Variants in FREM1 observed in about 807,000 individuals in gnomAD.
The protein encoded by FREM1 is FRAS1-related extracellular matrix protein 1.
In FREM1, 220 loss-of-function variants were observed where a neutral mutation model predicts 210.1. That is an observed-to-expected ratio of 1.05 (90% CI 0.94 to 1.17). FREM1 has a LOEUF of 1.17. FREM1 is among the 50% of genes most tolerant of loss of function. The pLI is 0.00. For missense variants in FREM1, 3,454 were observed against 2,675.5 expected (o/e 1.29, Z -6.42); for synonymous variants, 1,189 against 980.2 (o/e 1.21, Z -3.98).
At chr9:14,863,316 G>A (rs1588457601) in intron 3 of FREM1, among the ~76,000 whole-genome samples, 1 of 148,174 alleles carries the variant, frequency 6.7e-6, no homozygotes, top group African/African-American at 2.5e-5. Flanking sequence ...ACTCCAGCCT[G>A]GGTGACAGAG....
At chr9:14,737,639 T>G (rs780618098) in intron 36 of FREM1, 44 bp from the exon 37 acceptor site, 1 of 1,369,054 alleles carries the variant, frequency 7.3e-7, no homozygotes, top group South Asian at 1.7e-5. Context: ...TTATTGCGTT[T>G]ATACTTAGAT....
At chr9:14,881,140 TCTC>T (rs1291444293) in intron 1 of FREM1, among the ~76,000 whole-genome samples, 3 of 152,226 alleles carry the variant, frequency 2.0e-5, no homozygotes, top group African/African-American at 7.2e-5. Flanking sequence ...GGAATTCTCT[TCTC>T]CTGCCGCCCA....
chr9:14,828,319 GC>G (rs1035098950), intron 10 of FREM1, among the ~76,000 whole-genome samples: 23 of 152,160 alleles, frequency 1.5e-4, no homozygotes, highest in Admixed American at 2.0e-4. Flanking sequence ...AATATTGTTT[GC>G]CCTGTTGAGT....
intron 24 of FREM1, among the ~76,000 whole-genome samples, chr9:14,782,708 C>A (rs188105118): frequency 1.3e-5 from 2 of 152,304 alleles, no homozygotes; most frequent in Non-Finnish European, 2.9e-5. Flanking sequence ...AATATAATGA[C>A]AACAACAACG....
intron 23 of FREM1, among the ~76,000 whole-genome samples, chr9:14,787,892 G>A (rs1330952394): frequency 6.6e-6 from 1 of 152,102 alleles, no homozygotes; most frequent in Non-Finnish European, 1.5e-5. Flanking sequence ...TCACTCATTA[G>A]ACTTCTTTAA....
chr9:14,774,460 C>T (rs967266260), intron 25 of FREM1, among the ~76,000 whole-genome samples: 2 of 151,676 alleles, frequency 1.3e-5, no homozygotes, highest in African/African-American at 2.4e-5. Context: ...GTATTTCGGA[C>T]ATGCCAGGCC....
chr9:14,774,713 T>C (rs1848263123), intron 25 of FREM1, among the ~76,000 whole-genome samples: 1 of 152,126 alleles, frequency 6.6e-6, no homozygotes, highest in Non-Finnish European at 1.5e-5. Flanking sequence ...AGCCAGAATA[T>C]ACTTGATGTG....
chr9:14,784,340 AG>A, intron 24 of FREM1, 29 bp downstream of exon 24: 1 of 1,598,470 alleles, frequency 6.3e-7, no homozygotes, highest in Non-Finnish European at 8.5e-7. Context: ...AATCCAAAGA[AG>A]GGGTTTGAAA....
rs567973144 is a variant in FREM1 at position 14,760,145 on chromosome 9, A to C, written c.5205-244T>G. On this transcript the variant is annotated intron_variant, in intron 27 of 36. Transcript: ENST00000380880. ...TTAGAATTCCATTTCACAAATGAAG[A>C]ATCTAAGGTTAAAAGGCTGCTGAAT... Among the ~76,000 whole-genome samples, 126 of 152,338 alleles carry C rather than the reference A, an allele frequency of 8.3e-4. 1 individual carries two copies. The highest frequency in any genetic ancestry group is 3.0e-3 in the African/African-American group (123 of 41,578).
At chr9:14,770,871 T>C in intron 25 of FREM1, 65 bp from the exon 26 acceptor site, 1 of 1,181,188 alleles carries the variant, frequency 8.5e-7, no homozygotes, top group East Asian at 2.5e-5. Context: ...AACGTTGGGC[T>C]TTATTGGTTC....
At chr9:14,906,254 T>C (rs911557638) in intron 1 of FREM1, among the ~76,000 whole-genome samples, 1 of 152,216 alleles carries the variant, frequency 6.6e-6, no homozygotes, top group African/African-American at 2.4e-5. Flanking sequence ...CATTGTAGCC[T>C]ATGATTAGAA....
chr9:14,891,950 T>C (rs1244103650), intron 1 of FREM1, among the ~76,000 whole-genome samples: 1 of 152,112 alleles, frequency 6.6e-6, no homozygotes, highest in African/African-American at 2.4e-5. Context: ...TACAAAATGG[T>C]ATTTGCTGCC....
chr9:14,835,263 C>T (rs534123523), intron 10 of FREM1, among the ~76,000 whole-genome samples: 12 of 152,230 alleles, frequency 7.9e-5, no homozygotes, highest in Non-Finnish European at 1.3e-4. Context: ...GTAAGGTATA[C>T]TCCTGTAAAC....
chr9:14,778,500 A>C (rs780739196), intron 24 of FREM1, among the ~76,000 whole-genome samples: 4 of 145,236 alleles, frequency 2.8e-5, no homozygotes, highest in Admixed American at 6.9e-5. Flanking sequence ...CCCAGCTACT[A>C]GGGAGGCTGA....
At chr9:14,840,830 T>A (rs1398178359) in intron 10 of FREM1, among the ~76,000 whole-genome samples, 1 of 152,264 alleles carries the variant, frequency 6.6e-6, no homozygotes, top group Admixed American at 6.5e-5. Context: ...AATTTCTATA[T>A]GGCAATGTTT....
chr9:14,822,574 G>C (rs1468626146), intron 13 of FREM1, among the ~76,000 whole-genome samples: 2 of 152,144 alleles, frequency 1.3e-5, no homozygotes, highest in Non-Finnish European at 2.9e-5. Context: ...AGGTGGGCAG[G>C]GGAACCGGGT....
chr9:14,860,694 C>CACATATATAT (rs1564100378), intron 3 of FREM1, among the ~76,000 whole-genome samples: 4,138 of 92,662 alleles, frequency 0.045, 662 homozygotes, highest in African/African-American at 0.19. Context: ...CACATATATA[C>CACATATATAT]ACACATATAT....
intron 27 of FREM1, among the ~76,000 whole-genome samples, chr9:14,763,658 T>C (rs1444036173): frequency 6.6e-6 from 1 of 152,154 alleles, no homozygotes; most frequent in African/African-American, 2.4e-5. Flanking sequence ...AGCAGTCAGG[T>C]AAAGGAAATG....
intron 1 of FREM1, among the ~76,000 whole-genome samples, chr9:14,900,137 T>C (rs1838507316): frequency 6.6e-6 from 1 of 152,192 alleles, no homozygotes; most frequent in Non-Finnish European, 1.5e-5. Context: ...GTCTGCGCTA[T>C]TAATGAGAAC....
Sources: gnomAD v4.1 joint callset for allele counts (sites outside exome capture counted in the v4.1 genomes callset) on GRCh38, gnomAD v4.1.1 for gene constraint, MANE v1.5 for transcripts, NCBI Gene and HGNC (gene_info 2026-07-23, HGNC 2026-07-21) for gene names.